The following PARD3B variants were observed in gnomAD, a reference collection of about 807,000 sequenced individuals.
The protein encoded by PARD3B is par-3 family cell polarity regulator beta.
PARD3B carries 103 observed loss-of-function variants against 130.2 expected under a neutral mutation model. The ratio of observed to expected loss-of-function variants is 0.79; its 90% CI spans 0.67 to 0.93. The LOEUF is 0.93. Among genes scored for constraint, PARD3B ranks in the 40% least tolerant of loss-of-function variants. The pLI is 0.00. For missense variants in PARD3B, 1,609 were observed against 1,499.2 expected, an observed-to-expected ratio of 1.07 and a Z score of -1.21; for synonymous variants, 583 against 553.2, an observed-to-expected ratio of 1.05 and a Z score of -0.76.
At chr2:204,628,790 C>G (rs778729966) in intron 1 of PARD3B, among the ~76,000 whole-genome samples, 4 of 152,114 alleles carry the variant, frequency 2.6e-5, no homozygotes, top group Non-Finnish European at 5.9e-5. Flanking sequence ...GTAATGTTAT[C>G]TGTAGATGGG....
intron 3 of PARD3B, among the ~76,000 whole-genome samples, chr2:205,038,626 A>G (rs1333474067): frequency 6.6e-6 from 1 of 152,188 alleles, no homozygotes. Context: ...AAACCCCTTC[A>G]CATATTTTTG....
chr2:205,129,641 G>C (rs16836995), intron 10 of PARD3B, among the ~76,000 whole-genome samples: 1,570 of 152,282 alleles, frequency 0.01, 31 homozygotes, highest in African/African-American at 0.036. Flanking sequence ...CTAAGAAACT[G>C]TCCTCTTTTG....
rs143558257 is a variant in PARD3B, at chr2:205,066,283, C to T, written c.504+18593C>T. Among the ~76,000 whole-genome samples, 663 of 152,210 alleles carry T rather than the reference C, an allele frequency of 4.4e-3. 6 individuals are homozygous for T. The highest frequency in any genetic ancestry group is 0.015 in the African/African-American group (634 of 41,530). On this transcript the variant is annotated intron_variant, in intron 4 of 22. Coordinates refer to ENST00000406610, the MANE Select transcript of PARD3B (RefSeq NM_001302769.2). ...TCTGGCAGGAGTCCTGACATTTGGT[C>T]GCATGGTTAACATCAAACACGAAGA...
At chr2:205,541,442 G>T (rs546080435) in intron 21 of PARD3B, among the ~76,000 whole-genome samples, 64 of 149,494 alleles carry the variant, frequency 4.3e-4, no homozygotes, top group African/African-American at 1.5e-3. Flanking sequence ...TCTACCTCCT[G>T]GCTTCAAGCA....
chr2:204,699,068 G>C (rs2037756055), intron 2 of PARD3B, among the ~76,000 whole-genome samples: 1 of 152,060 alleles, frequency 6.6e-6, no homozygotes, highest in African/African-American at 2.4e-5. Context: ...CTGTGAAGAA[G>C]TTTTGCAATT....
rs924375126 is a variant in PARD3B at position 205,615,950 on chromosome 2, G to A, written c.*137G>A. ...AGCTTTTTCTCACTGACATTGTAAC[G>A]CATGACTGCTAATCAGAGAGAAAAA... On this transcript the variant is annotated 3_prime_UTR_variant, in exon 23 of 23. Transcript: ENST00000406610. The A allele has an allele frequency of 2.5e-5, 19 of 754,330 alleles. No homozygotes were observed. The highest frequency in any genetic ancestry group is 3.2e-4 in the Middle Eastern group (1 of 3,128). 46.7% of individuals were successfully genotyped at this position (754,330 alleles called of 1,614,324 possible).
intron 1 of PARD3B, among the ~76,000 whole-genome samples, chr2:204,626,571 A>T (rs1422726650): frequency 1.3e-5 from 2 of 152,126 alleles, no homozygotes; most frequent in African/African-American, 2.4e-5. Context: ...ATTTAAAAAA[A>T]GTCTGGGTAA....
At chr2:204,563,300 T>A (rs574046437) in intron 1 of PARD3B, among the ~76,000 whole-genome samples, 65 of 139,904 alleles carry the variant, frequency 4.6e-4, no homozygotes, top group Non-Finnish European at 9.5e-4. Flanking sequence ...ACACCAGTCA[T>A]ACTGGATTAG....
At chr2:205,188,343 G>A (rs553606953) in intron 14 of PARD3B, among the ~76,000 whole-genome samples, 2 of 152,184 alleles carry the variant, frequency 1.3e-5, no homozygotes, top group South Asian at 4.1e-4. Flanking sequence ...CAATGGGAAG[G>A]GCATTGTCTG....
intron 20 of PARD3B, among the ~76,000 whole-genome samples, chr2:205,484,679 G>A (rs964910596): frequency 2.0e-5 from 3 of 152,054 alleles, no homozygotes; most frequent in Non-Finnish European, 2.9e-5. Flanking sequence ...TAGTGTTGAC[G>A]GAACATATAG....
Position 205,178,910 on chromosome 2 carries a change from T to A in PARD3B, c.1924+2333T>A, listed in dbSNP as rs191962432. Among the ~76,000 whole-genome samples, 987 of 152,292 alleles carry A rather than the reference T, an allele frequency of 6.5e-3. 16 individuals carry two copies. The highest frequency in any genetic ancestry group is 0.023 in the African/African-American group (940 of 41,548). ...TTAGAGTACACTTCTACTTATTTTT[T>A]AAAAAAGGTAACTGTAAACAGCCTC... On this transcript the variant is annotated intron_variant, in intron 13 of 22. Coordinates refer to ENST00000406610, the MANE Select transcript of PARD3B (RefSeq NM_001302769.2).
At chr2:205,252,368 G>T (rs2039885979) in intron 16 of PARD3B, among the ~76,000 whole-genome samples, 1 of 152,116 alleles carries the variant, frequency 6.6e-6, no homozygotes, top group South Asian at 2.1e-4. Flanking sequence ...TATGGTAGAG[G>T]AGAAAAAATA....
chr2:205,489,825 T>C (rs76374116), intron 20 of PARD3B, among the ~76,000 whole-genome samples: 1 of 152,234 alleles, frequency 6.6e-6, no homozygotes, highest in East Asian at 1.9e-4. Flanking sequence ...ACTCCTAAGG[T>C]ATTTCTCCCT....
At chr2:205,410,881 A>G (rs1453875711) in intron 19 of PARD3B, among the ~76,000 whole-genome samples, 2 of 152,124 alleles carry the variant, frequency 1.3e-5, no homozygotes, top group Admixed American at 6.5e-5. Flanking sequence ...GTCTTCTGGA[A>G]TCTTCTCCCC....
intron 2 of PARD3B, among the ~76,000 whole-genome samples, chr2:204,791,584 G>A (rs1403254004): frequency 6.6e-6 from 1 of 152,232 alleles, no homozygotes; most frequent in Non-Finnish European, 1.5e-5. Context: ...TTACTTTGCT[G>A]TTGAAGAAAG....
chr2:205,499,286 C>T (rs888959023), intron 20 of PARD3B, among the ~76,000 whole-genome samples: 5 of 150,650 alleles, frequency 3.3e-5, no homozygotes, highest in African/African-American at 1.2e-4. Context: ...TGGATTAGCA[C>T]GTTCTACTCT....
At chr2:204,937,695 G>A (rs573816628) in intron 2 of PARD3B, among the ~76,000 whole-genome samples, 85 of 152,174 alleles carry the variant, frequency 5.6e-4, no homozygotes, top group African/African-American at 1.9e-3. Context: ...TTTCTTCTTC[G>A]CTCATTATGC....
At chr2:204,661,092 T>C (rs1437832751) in intron 1 of PARD3B, among the ~76,000 whole-genome samples, 1 of 152,188 alleles carries the variant, frequency 6.6e-6, no homozygotes, top group Non-Finnish European at 1.5e-5. Flanking sequence ...CAGTGATTCT[T>C]CCTAGTAACA....
rs571609957 is a variant in PARD3B, at chr2:204,894,397, G to A, written c.223-70755G>A. ...GAATATGTTAAATCTCATTTTTTAA[G>A]GAATATTAACAAAACATGAAAGATA... is the stretch of plus-strand genomic sequence containing the variant. On this transcript the variant is annotated intron_variant, in intron 2 of 22. Coordinates refer to ENST00000406610, the MANE Select transcript of PARD3B (RefSeq NM_001302769.2). 8.6e-5 allele frequency among the ~76,000 whole-genome samples: 13 copies of A among 151,332 alleles called. No homozygotes were observed. The South Asian group carries it at 2.7e-3, about 32-fold the overall frequency.
Sources: gnomAD v4.1 joint callset for allele counts (sites outside exome capture counted in the v4.1 genomes callset) on GRCh38, gnomAD v4.1.1 for gene constraint, MANE v1.5 for transcripts, NCBI Gene and HGNC (gene_info 2026-07-23, HGNC 2026-07-21) for gene names.